PCDH15: variants seen among roughly 807,000 people sequenced by gnomAD.
PCDH15 encodes protocadherin related 15.
In PCDH15, 129 loss-of-function variants were observed where a neutral mutation model predicts 178.5. That is an observed-to-expected ratio of 0.72 (90% CI 0.63 to 0.84). The LOEUF (loss-of-function observed/expected upper bound fraction) is 0.84, where lower values mean the gene tolerates loss of function less well. Ranked by LOEUF, PCDH15 falls within the 40% of genes least tolerant of loss-of-function variation. The probability of loss-of-function intolerance (pLI) is 0.00; values close to 1 mark genes in which losing one functional copy is unlikely to be tolerated. For synonymous variants in PCDH15, 800 were observed against 732.0 expected (o/e 1.09, Z -1.50); for missense variants, 2,230 against 2,099.9 (o/e 1.06, Z -1.21).
rs187327213 is a variant in PCDH15 at position 54,343,575 on chromosome 10, T to C, written c.594+2790A>G. Among the ~76,000 whole-genome samples, 314 of 152,052 alleles carry C rather than the reference T, an allele frequency of 2.1e-3. 1 individual carries two copies. Among genetic ancestry groups the C allele is most frequent in the Non-Finnish European group, 2.6e-3 (179 of 67,978 alleles). The stretch of plus-strand genomic sequence containing the variant: ...CAGCAACTATTTATTCCCAAACTTG[T>C]TGCTTCTTTGTTTTAGAACACCATT... On this transcript the variant is annotated intron_variant, in intron 6 of 37. Transcript: ENST00000644397.
upstream of PCDH15, among the ~76,000 whole-genome samples, chr10:55,323,982 C>T (rs2132302585): frequency 6.6e-6 from 1 of 151,970 alleles, no homozygotes; most frequent in South Asian, 2.1e-4. Flanking sequence ...GGGGATGTTT[C>T]CCCCATGCCA....
rs571731378 is a variant in PCDH15 at position 55,080,014 on chromosome 10, C to G, written c.-80+86562G>C. On this transcript the variant is annotated intron_variant, in intron 2 of 5. Coordinates refer to the PCDH15 transcript ENST00000458638. ...GGGTTTGAAGAATCTGGCCTCAGGG[C>G]TCAGGCTACAACATAGCAGTCCTGC... Among the ~76,000 whole-genome samples the G allele has an allele frequency of 1.3e-4, 20 of 152,162 alleles. No homozygotes were observed. The South Asian group carries it at 3.9e-3, about 30-fold the overall frequency.
At chr10:54,895,622 G>A (rs908863879) in intron 3 of PCDH15, among the ~76,000 whole-genome samples, 8 of 152,020 alleles carry the variant, frequency 5.3e-5, no homozygotes, top group Non-Finnish European at 5.9e-5. Flanking sequence ...CTAATAATAC[G>A]CCTAAAAGAG....
chr10:54,050,874 G>A (rs536636495), intron 18 of PCDH15, among the ~76,000 whole-genome samples: 1 of 152,188 alleles, frequency 6.6e-6, no homozygotes, highest in African/African-American at 2.4e-5. Flanking sequence ...GGAGGGACCT[G>A]GTTGGAGGTA....
chr10:54,621,826 A>G (rs556044197), intron 2 of PCDH15, among the ~76,000 whole-genome samples: 3 of 152,196 alleles, frequency 2.0e-5, no homozygotes, highest in Admixed American at 1.3e-4. Flanking sequence ...GGGAAGAAAT[A>G]TTCTTCAGGA....
At chr10:54,357,310 CAA>C (rs1356583695) in intron 5 of PCDH15, among the ~76,000 whole-genome samples, 13 of 152,144 alleles carry the variant, frequency 8.5e-5, no homozygotes, top group African/African-American at 2.7e-4. Flanking sequence ...GCAAATTCAG[CAA>C]AGTCTCAGGA....
intron 2 of PCDH15, among the ~76,000 whole-genome samples, chr10:55,004,704 T>A (rs1344064719): frequency 6.6e-6 from 1 of 152,168 alleles, no homozygotes; most frequent in African/African-American, 2.4e-5. Flanking sequence ...AACTCCTGTT[T>A]TCCTCAGCTG....
At chr10:54,101,467 T>C (rs2094811084) in intron 15 of PCDH15, among the ~76,000 whole-genome samples, 1 of 152,196 alleles carries the variant, frequency 6.6e-6, no homozygotes, top group African/African-American at 2.4e-5. Flanking sequence ...TCACAACTAA[T>C]ACTTAGCATG....
chr10:53,915,574 T>C (rs1037837424), intron 25 of PCDH15, among the ~76,000 whole-genome samples: 9 of 152,316 alleles, frequency 5.9e-5, no homozygotes, highest in African/African-American at 1.9e-4. Context: ...ATATTTCCTT[T>C]TTTTTGAGAC....
intron 1 of PCDH15, among the ~76,000 whole-genome samples, chr10:55,317,488 T>C (rs187315741): frequency 4.0e-5 from 6 of 151,178 alleles, no homozygotes; most frequent in East Asian, 1.9e-4. Context: ...GTTTTTTTTT[T>C]CTCTATTCTC....
intron 3 of PCDH15, among the ~76,000 whole-genome samples, chr10:54,429,529 C>G (rs1178697764): frequency 6.6e-6 from 1 of 151,916 alleles, no homozygotes; most frequent in Non-Finnish European, 1.5e-5. Flanking sequence ...TCATAAGACA[C>G]AGAATGGCTA....
chr10:55,412,197 T>C (rs1838354824), intron 2 of PCDH15, among the ~76,000 whole-genome samples: 2 of 152,056 alleles, frequency 1.3e-5, no homozygotes, highest in African/African-American at 2.4e-5. Flanking sequence ...AAGTAACTAT[T>C]AAGCTGTATC....
chr10:54,309,113 T>A (rs894852897), intron 8 of PCDH15, among the ~76,000 whole-genome samples: 10 of 151,946 alleles, frequency 6.6e-5, no homozygotes, highest in Non-Finnish European at 5.9e-5. Context: ...AGGGACTCAG[T>A]GAGGATATAC....
upstream of PCDH15, among the ~76,000 whole-genome samples, chr10:54,805,928 T>G (rs1231835784): frequency 1.3e-5 from 2 of 152,222 alleles, no homozygotes; most frequent in South Asian, 2.1e-4. Context: ...TTCTAAGCAT[T>G]TCTGTTGGGC....
intron 3 of PCDH15, among the ~76,000 whole-genome samples, chr10:54,816,577 T>C (rs901644956): frequency 6.6e-6 from 1 of 151,842 alleles, no homozygotes; most frequent in Non-Finnish European, 1.5e-5. Context: ...GGCAGAAAAG[T>C]AAAGGGGAGT....
chr10:54,745,384 ATGAAAG>A (rs201345125), intron 1 of PCDH15, among the ~76,000 whole-genome samples: 31,874 of 150,224 alleles, frequency 0.21, 3,838 homozygotes, highest in East Asian at 0.48. Flanking sequence ...AAAAAAAAAC[ATGAAAG>A]TGAAAGTGAT....
At chr10:55,023,522 C>T (rs1840390929) in intron 2 of PCDH15, among the ~76,000 whole-genome samples, 1 of 151,980 alleles carries the variant, frequency 6.6e-6, no homozygotes, top group South Asian at 2.1e-4. Flanking sequence ...GTGAAATAAA[C>T]TAGTATACAA....
chr10:55,588,019 T>C (rs1842761776), intron 2 of PCDH15, among the ~76,000 whole-genome samples: 2 of 152,166 alleles, frequency 1.3e-5, no homozygotes, highest in Admixed American at 1.3e-4. Flanking sequence ...TATAACCTAG[T>C]GTGTGAGTGG....
chr10:54,101,514 A>C (rs975890900), intron 15 of PCDH15, among the ~76,000 whole-genome samples: 1 of 152,232 alleles, frequency 6.6e-6, no homozygotes, highest in Non-Finnish European at 1.5e-5. Context: ...AAACACTAAC[A>C]TAACCCCTTA....
Sources: allele counts gnomAD v4.1 joint callset (sites outside exome capture counted in the v4.1 genomes callset), GRCh38; gene constraint gnomAD v4.1.1; transcripts MANE v1.5; gene names NCBI Gene and HGNC (gene_info 2026-07-23, HGNC 2026-07-21).